Variants in SP100 observed in about 807,000 individuals in gnomAD.
SP100 encodes SP100 nuclear body protein.
A neutral mutation model predicts 130.0 loss-of-function variants in SP100; 84 were observed. The observed-to-expected ratio is 0.65, with a 90% CI of 0.54 to 0.77. The LOEUF is 0.77. SP100 is among the 30% of genes least tolerant of loss of function. SP100 has a pLI of 0.00. For synonymous variants in SP100, 331 were observed against 351.7 expected, an observed-to-expected ratio of 0.94 and a Z score of 0.66; for missense variants, 978 against 1,052.2, an observed-to-expected ratio of 0.93 and a Z score of 0.97.
intron 24 of SP100, among the ~76,000 whole-genome samples, chr2:230,517,487 C>A (rs751697999): frequency 6.6e-6 from 1 of 152,088 alleles, no homozygotes; most frequent in Admixed American, 6.6e-5. Context: ...TTGGGCCAGG[C>A]GCCATAGCTA....
At chr2:230,427,991 G>A (rs2062986081) in intron 2 of SP100, among the ~76,000 whole-genome samples, 1 of 152,196 alleles carries the variant, frequency 6.6e-6, no homozygotes, top group Non-Finnish European at 1.5e-5. Context: ...AGCACTTTGA[G>A]AGGCCGAGGT....
intron 23 of SP100, chr2:230,510,853 T>G (rs989730078): frequency 4.1e-6 from 2 of 492,120 alleles, no homozygotes; most frequent in Non-Finnish European, 7.3e-6. Context: ...ACCGATAGAG[T>G]TGCTCCAGCT....
chr2:230,515,433 T>C, intron 24 of SP100: 1 of 1,613,852 alleles, frequency 6.2e-7, no homozygotes. Flanking sequence ...ATAACACCGC[T>C]GCAGCTGACA....
intron 24 of SP100, among the ~76,000 whole-genome samples, chr2:230,516,925 T>C (rs1022499391): frequency 1.3e-5 from 2 of 152,224 alleles, no homozygotes; most frequent in African/African-American, 4.8e-5. Flanking sequence ...ATATACTCTT[T>C]AGGATATTCA....
At chr2:230,443,948 C>T (rs1378074355) in intron 3 of SP100, among the ~76,000 whole-genome samples, 16 of 152,270 alleles carry the variant, frequency 1.1e-4, no homozygotes, top group African/African-American at 3.6e-4. Context: ...CCCCTTTTTG[C>T]ATCTAATGTA....
intron 2 of SP100, among the ~76,000 whole-genome samples, chr2:230,429,608 G>C (rs1346586028): frequency 6.6e-6 from 1 of 151,662 alleles, no homozygotes; most frequent in South Asian, 2.1e-4. Flanking sequence ...TTTACTTGAT[G>C]GTGTCCCATA....
chr2:230,472,427 CAAAAAAAAAAAAAAAA>C, intron 15 of SP100, among the ~76,000 whole-genome samples: 1 of 61,320 alleles, frequency 1.6e-5, no homozygotes, highest in African/African-American at 8.4e-5. Flanking sequence ...GACTCCGTCT[CAAAAAAAAAAAAAAAA>C]AAAAAAAAAG....
intron 17 of SP100, among the ~76,000 whole-genome samples, chr2:230,492,675 T>A (rs78754476): frequency 2.1e-4 from 32 of 152,364 alleles, no homozygotes; most frequent in East Asian, 1.5e-3. Flanking sequence ...TTCTCATCTG[T>A]CACCCTACTG....
At chr2:230,440,632 T>C (rs1447771318) in intron 2 of SP100, 10 of 1,294,332 alleles carry the variant, frequency 7.7e-6, no homozygotes, top group Non-Finnish European at 4.0e-6. Context: ...CAAATTTATC[T>C]GTAGCTTCAA....
chr2:230,446,625 G>A (rs988133602), intron 4 of SP100, among the ~76,000 whole-genome samples, 194 bp from the exon 5 acceptor site: 1 of 152,134 alleles, frequency 6.6e-6, no homozygotes, highest in African/African-American at 2.4e-5. Context: ...TCCTTTTTGT[G>A]TAGGACAATA....
intron 24 of SP100, among the ~76,000 whole-genome samples, chr2:230,529,484 C>A (rs1318174566): frequency 6.6e-6 from 1 of 152,280 alleles, no homozygotes; most frequent in Non-Finnish European, 1.5e-5. Context: ...GCTGAATGGG[C>A]AAAAACTGGA....
At chr2:230,518,883 T>A (rs1327523891) in intron 24 of SP100, among the ~76,000 whole-genome samples, 1 of 152,198 alleles carries the variant, frequency 6.6e-6, no homozygotes, top group Non-Finnish European at 1.5e-5. Flanking sequence ...TTTATTCAAG[T>A]CATGTGAACT....
intron 2 of SP100, among the ~76,000 whole-genome samples, chr2:230,441,196 A>G (rs2063455105): frequency 6.6e-6 from 1 of 152,264 alleles, no homozygotes; most frequent in Non-Finnish European, 1.5e-5. Context: ...ATTGCCAATT[A>G]ACACATGAAA....
intron 2 of SP100, among the ~76,000 whole-genome samples, chr2:230,435,044 GGTCA>G (rs1464885610): frequency 3.0e-4 from 45 of 152,246 alleles, no homozygotes; most frequent in African/African-American, 1.0e-3. Flanking sequence ...GGATCTGCAT[GGTCA>G]GTCTGTAGTA....
intron 19 of SP100, among the ~76,000 whole-genome samples, chr2:230,501,962 G>A (rs941976375): frequency 4.6e-5 from 7 of 151,960 alleles, no homozygotes; most frequent in African/African-American, 9.7e-5. Context: ...TCCGCCTCCC[G>A]GATTCAAGCA....
chr2:230,544,853 G>A lies in SP100; in HGVS notation c.*1907G>A, dbSNP rs182153149. Among the ~76,000 whole-genome samples the A allele has an allele frequency of 1.4e-4, 21 of 152,282 alleles. No individual in the cohort carries two copies. Among genetic ancestry groups the A allele is most frequent in the African/African-American group, 5.1e-4 (21 of 41,550 alleles). On this transcript the variant is annotated 3_prime_UTR_variant, in exon 29 of 29. Transcript: ENST00000340126. Reference sequence around the variant, plus strand: ...TTTTAAAAGCTCAATATCACTGATCGTTAGAGACATGCAAATTAAAACTAC... The same window carrying A: ...TTTTAAAAGCTCAATATCACTGATCATTAGAGACATGCAAATTAAAACTAC...
chr2:230,450,295 A>G, intron 8 of SP100, 40 bp downstream of exon 8: 1 of 1,473,308 alleles, frequency 6.8e-7, no homozygotes, highest in Non-Finnish European at 9.5e-7. Flanking sequence ...TTCCTTTCTT[A>G]TTCAGATGCT....
intron 2 of SP100, among the ~76,000 whole-genome samples, chr2:230,420,242 A>T (rs1205647088): frequency 3.3e-5 from 5 of 152,220 alleles, no homozygotes; most frequent in African/African-American, 1.2e-4. Flanking sequence ...GATCTTGTGC[A>T]TAGGAGTCTT....
intron 24 of SP100, among the ~76,000 whole-genome samples, chr2:230,522,261 T>C (rs1036082753): frequency 6.6e-6 from 1 of 152,168 alleles, no homozygotes; most frequent in African/African-American, 2.4e-5. Context: ...TGATTGTGTG[T>C]GTGTTGATAC....
Sources: gnomAD v4.1 joint callset for allele counts (sites outside exome capture counted in the v4.1 genomes callset) on GRCh38, gnomAD v4.1.1 for gene constraint, MANE v1.5 for transcripts, NCBI Gene and HGNC (gene_info 2026-07-23, HGNC 2026-07-21) for gene names.